TG: variants seen among roughly 807,000 people sequenced by gnomAD.
TG encodes the protein thyroid hormones.
In TG, 270 loss-of-function variants were observed where a neutral mutation model predicts 324.7. The observed-to-expected ratio is 0.83, with a 90% CI of 0.75 to 0.92. TG has a LOEUF of 0.92. Among genes scored for constraint, TG ranks in the 40% least tolerant of loss-of-function variants. TG has a pLI of 0.00. For missense variants in TG, 3,591 were observed against 3,456.4 expected, an observed-to-expected ratio of 1.04 and a Z score of -0.98; for synonymous variants, 1,401 against 1,327.0, an observed-to-expected ratio of 1.06 and a Z score of -1.21.
At chr8:133,121,585 G>A (rs1179907642) in intron 45 of TG, among the ~76,000 whole-genome samples, 1 of 152,150 alleles carries the variant, frequency 6.6e-6, no homozygotes, top group Non-Finnish European at 1.5e-5. Flanking sequence ...CAGAGATGCT[G>A]GCATCTACTA....
chr8:132,946,302 T>C (rs1263858129), intron 26 of TG, among the ~76,000 whole-genome samples: 4 of 152,172 alleles, frequency 2.6e-5, no homozygotes, highest in Non-Finnish European at 5.9e-5. Context: ...ACAAAATCCT[T>C]TTTTTCCATG....
At chr8:133,050,822 A>C in intron 41 of TG, 4 of 1,604,684 alleles carry the variant, frequency 2.5e-6, no homozygotes, top group Non-Finnish European at 3.4e-6. Context: ...TCACTCAGAA[A>C]TCACACGCAG....
intron 11 of TG, among the ~76,000 whole-genome samples, chr8:132,896,860 C>A (rs549054868): frequency 6.6e-6 from 1 of 152,232 alleles, no homozygotes; most frequent in Admixed American, 6.5e-5. Context: ...ACACTATGTA[C>A]TATGTTGGTG....
chr8:133,070,027 GAA>G lies in TG; in HGVS notation c.7240-25015_7240-25014del. 3.5e-5 allele frequency among the ~76,000 whole-genome samples: 2 copies of G among 57,056 alleles called. 1 individual carries two copies. Among genetic ancestry groups the G allele is most frequent in the Admixed American group, 3.9e-4 (2 of 5,070 alleles). 37.4% of individuals were successfully genotyped at this position (57,056 alleles called of 152,430 possible). On this transcript the variant is annotated intron_variant, in intron 41 of 47. Transcript: ENST00000220616. ...AAAAAAAAAAAAAAAAAAAAAAAAA[GAA>G]AGAAAGAAAGAAAAGAAAAGAAGAA...
chr8:133,074,180 T>G (rs1844517686), intron 41 of TG, among the ~76,000 whole-genome samples: 1 of 152,204 alleles, frequency 6.6e-6, no homozygotes, highest in Admixed American at 6.5e-5. Flanking sequence ...ATACTTCACA[T>G]GTTTGCCTTT....
intron 45 of TG, 137 bp downstream of exon 45, chr8:133,116,853 A>G: frequency 1.3e-6 from 1 of 745,686 alleles, no homozygotes; most frequent in Non-Finnish European, 2.3e-6. Flanking sequence ...TGTAGTAGCC[A>G]CTTCATCTCA....
intron 25 of TG, among the ~76,000 whole-genome samples, chr8:132,939,863 G>C (rs1824182065): frequency 6.6e-6 from 1 of 152,074 alleles, no homozygotes; most frequent in Admixed American, 6.5e-5. Flanking sequence ...TGTTAGTAGA[G>C]ACGGGGTTTC....
intron 45 of TG, among the ~76,000 whole-genome samples, chr8:133,130,953 G>A (rs923803365): frequency 6.6e-6 from 1 of 152,166 alleles, no homozygotes; most frequent in African/African-American, 2.4e-5. Flanking sequence ...TATTAACCCT[G>A]GGCCTCCTGG....
At position 132,966,709 on chromosome 8, in the gene TG, T is replaced by C; in HGVS notation, c.5686+12T>C. 1 of 1,613,902 alleles carries C rather than the reference T, an allele frequency of 6.2e-7. No homozygotes were observed. Among genetic ancestry groups the C allele is most frequent in the Non-Finnish European group, 8.5e-7 (1 of 1,179,946 alleles). On this transcript the variant is annotated intron_variant, in intron 30 of 47. Transcript: ENST00000220616. ...ATGGTGCCTTTCTCGTAAGTATCCT[T>C]AGAACTCATTCTTCTTCTTCCAGAC...
intron 35 of TG, among the ~76,000 whole-genome samples, chr8:132,985,196 C>T (rs762417073): frequency 5.9e-5 from 9 of 152,130 alleles, no homozygotes; most frequent in Admixed American, 2.0e-4. Context: ...ATTTGCTGTG[C>T]GTCAAGTACT....
intron 35 of TG, among the ~76,000 whole-genome samples, chr8:132,998,666 G>A (rs1370486705): frequency 6.6e-6 from 1 of 152,228 alleles, no homozygotes; most frequent in African/African-American, 2.4e-5. Flanking sequence ...TTAAAGAGCT[G>A]GCGTGAGTGG....
chr8:133,078,156 C>G (rs919828783), intron 41 of TG, among the ~76,000 whole-genome samples: 7 of 152,204 alleles, frequency 4.6e-5, no homozygotes, highest in African/African-American at 1.7e-4. Flanking sequence ...ACCCATCCTT[C>G]CTCTCCACCA....
intron 2 of TG, 136 bp downstream of exon 2, chr8:132,868,359 GC>G: frequency 1.2e-6 from 1 of 824,614 alleles, no homozygotes; most frequent in East Asian, 2.7e-5. Context: ...ATTTGGAGGT[GC>G]CTGCCTTTCA....
In TG at chr8:133,113,582, G is replaced by A. The variant is rs115015716; in HGVS notation, c.7733G>A (p.Arg2578Gln). 30 of 1,614,024 alleles carry A rather than the reference G, an allele frequency of 1.9e-5. No homozygotes were observed. The highest frequency in any genetic ancestry group is 1.3e-4 in the East Asian group (6 of 44,874). ...HSTDDYASFS[R>Q]ALENATRDYF... ...ACGGATGACTATGCCTCCTTCTCCCGGGCTCTGGAGAATGCCACCCGGTAA... is the reference window on the plus strand; with the variant it reads ...ACGGATGACTATGCCTCCTTCTCCCAGGCTCTGGAGAATGCCACCCGGTAA... The change falls in exon 44 of 48, where the codon CGG (arginine) becomes CAG (glutamine). Residue 2578 changes from arginine to glutamine, a missense_variant. Coordinates refer to ENST00000220616, the MANE Select transcript of TG (RefSeq NM_003235.5).
chr8:132,947,473 G>A (rs911185717), intron 26 of TG, among the ~76,000 whole-genome samples: 3 of 152,172 alleles, frequency 2.0e-5, no homozygotes, highest in Non-Finnish European at 4.4e-5. Flanking sequence ...GTGGCCAGCA[G>A]AAGAGAAAAG....
chr8:132,952,115 A>G (rs1053627904), intron 27 of TG, among the ~76,000 whole-genome samples: 5 of 152,238 alleles, frequency 3.3e-5, no homozygotes, highest in African/African-American at 1.2e-4. Context: ...TTTGAATTCC[A>G]GTGTGAATGT....
At chr8:132,887,647 T>A in intron 9 of TG, 99 bp downstream of exon 9, 1 of 1,517,050 alleles carries the variant, frequency 6.6e-7, no homozygotes, top group Non-Finnish European at 9.1e-7. Flanking sequence ...TGGCCAATGC[T>A]TACACTTCAG....
intron 37 of TG, among the ~76,000 whole-genome samples, chr8:133,015,371 A>C (rs1834931044): frequency 6.6e-6 from 1 of 152,244 alleles, no homozygotes; most frequent in African/African-American, 2.4e-5. Flanking sequence ...ATTTGTTTAC[A>C]GCTAATACAC....
intron 27 of TG, among the ~76,000 whole-genome samples, chr8:132,951,638 T>C (rs1406537535): frequency 1.3e-5 from 2 of 152,092 alleles, no homozygotes; most frequent in South Asian, 4.1e-4. Context: ...GTATTGTGGG[T>C]GAGGGCAAGG....
Sources: gnomAD v4.1 joint callset for allele counts (sites outside exome capture counted in the v4.1 genomes callset) on GRCh38, gnomAD v4.1.1 for gene constraint, MANE v1.5 for transcripts, NCBI Gene and HGNC (gene_info 2026-07-23, HGNC 2026-07-21) for gene names.